RACGAP1: variants seen among roughly 807,000 people sequenced by gnomAD.
RACGAP1 encodes rac GTPase-activating protein 1.
A neutral mutation model predicts 78.1 loss-of-function variants in RACGAP1; 30 were observed. The ratio of observed to expected loss-of-function variants is 0.38; its 90% CI spans 0.29 to 0.52. RACGAP1 has a LOEUF of 0.52. RACGAP1 is among the 20% of genes least tolerant of loss of function. RACGAP1 has a pLI of 0.82. For missense variants in RACGAP1, 587 were observed against 777.1 expected (o/e 0.76, Z 2.91); for synonymous variants, 231 against 264.8 (o/e 0.87, Z 1.24).
chr12:50,006,347 C>A, intron 3 of RACGAP1, 87 bp downstream of exon 3: 1 of 1,414,998 alleles, frequency 7.1e-7, no homozygotes, highest in South Asian at 1.2e-5. Context: ...GAAGAAGAAA[C>A]TAGGTATATT....
At position 50,003,560 on chromosome 12, in the gene RACGAP1, ATTTGT is replaced by A. The variant is rs577961331; in HGVS notation, c.495+670_495+674del. ...AAAACCAGTCACCAAAAACTTCCTG[ATTTGT>A]TTTGTTTGCTAGTTTTCAGCTAGTA... On this transcript the variant is annotated intron_variant, in intron 5 of 16. Transcript: ENST00000312377. 1.2e-3 allele frequency among the ~76,000 whole-genome samples: 185 copies of A among 152,300 alleles called. 2 individuals are homozygous for A. Among genetic ancestry groups the A allele is most frequent in the Non-Finnish European group, 1.4e-3 (96 of 68,028 alleles).
chr12:49,992,780 T>C, intron 12 of RACGAP1, 125 bp from the exon 13 acceptor site: 1 of 594,178 alleles, frequency 1.7e-6, no homozygotes, highest in Non-Finnish European at 2.9e-6. Flanking sequence ...AGTTCATGAC[T>C]ACATCAGACT....
At chr12:49,991,398 C>T (rs1284778702) in intron 15 of RACGAP1, among the ~76,000 whole-genome samples, 2 of 134,384 alleles carry the variant, frequency 1.5e-5, no homozygotes, top group Admixed American at 8.1e-5. Context: ...TAAGATTATA[C>T]ATGAGAAAAA....
rs780003262 is a variant in RACGAP1, at chr12:49,994,264, T to A, written c.1206A>T (p.Arg402Ser). The stretch of plus-strand genomic sequence containing the variant: ...TGCTGAGGAGGGGTACAGTTTTCAC[T>A]CTGAGGAATTTCTCTTTCAGCTCTT... Reference protein sequence around the residue: ...TVKELKEKFLRVKTVPLLSKV... With the variant: ...TVKELKEKFLSVKTVPLLSKV... The change falls in exon 12 of 17, where the codon AGA becomes AGT. Residue 402 changes from arginine to serine, a missense_variant. Transcript: ENST00000312377. 4 of 1,614,188 alleles carry A rather than the reference T, an allele frequency of 2.5e-6. No individual in the cohort carries two copies. The highest frequency in any genetic ancestry group is 3.4e-6 in the Non-Finnish European group (4 of 1,180,030).
chr12:49,994,513 GA>G lies in RACGAP1; in HGVS notation c.1045-5del, dbSNP rs760405328. The G allele has an allele frequency of 4.2e-4, 614 of 1,477,720 alleles. No individual in the cohort carries two copies. The highest frequency in any genetic ancestry group is 2.4e-3 in the Admixed American group (121 of 49,446). The allele number at this position is 1,477,720 out of a possible 1,614,324, so 91.5% of individuals were successfully genotyped here. A position where few individuals can be genotyped will look rare whatever the true frequency, so the allele number is the denominator to read the frequency against. ...ACACAAAGTCTGCCAGCATTCCCTGGAAAAAAAAAAGAGCTTTAAATTATTA... is the reference window on the plus strand; with the variant it reads ...ACACAAAGTCTGCCAGCATTCCCTGGAAAAAAAAAGAGCTTTAAATTATTA... On this transcript the variant is annotated splice_polypyrimidine_tract_variant and splice_region_variant and intron_variant, in intron 10 of 16. Transcript: ENST00000312377.
intron 2 of RACGAP1, among the ~76,000 whole-genome samples, chr12:50,010,463 A>G (rs1298535022): frequency 6.6e-6 from 1 of 151,880 alleles, no homozygotes; most frequent in Non-Finnish European, 1.5e-5. Flanking sequence ...AACTGGGATT[A>G]CAGGTGAATG....
intron 1 of RACGAP1, among the ~76,000 whole-genome samples, chr12:50,022,760 T>C (rs1950078917): frequency 6.6e-6 from 1 of 152,232 alleles, no homozygotes; most frequent in Admixed American, 6.5e-5. Flanking sequence ...ATGTTTCCAT[T>C]AAGTTCTAAA....
At chr12:50,016,120 G>A (rs1049863305) in intron 2 of RACGAP1, among the ~76,000 whole-genome samples, 4 of 152,134 alleles carry the variant, frequency 2.6e-5, no homozygotes, top group Admixed American at 6.5e-5. Context: ...GGTGGCTCAC[G>A]CCTGTAATCC....
At chr12:50,029,538 C>T (rs1306543927), upstream of RACGAP1, among the ~76,000 whole-genome samples, 1 of 152,030 alleles carries the variant, frequency 6.6e-6, no homozygotes, top group Non-Finnish European at 1.5e-5. Context: ...TGTGCCACTG[C>T]CCTCCAGCCT....
upstream of RACGAP1, among the ~76,000 whole-genome samples, chr12:50,028,875 A>G (rs2137774538): frequency 6.6e-6 from 1 of 152,214 alleles, no homozygotes; most frequent in African/African-American, 2.4e-5. Context: ...TGAGGTCAGG[A>G]GTTCAAGACC....
At position 49,999,207 on chromosome 12, in the gene RACGAP1, C is replaced by T; in HGVS notation, c.813G>A (p.Glu271=). 1 of 1,614,150 alleles carries T rather than the reference C, an allele frequency of 6.2e-7. No individual in the cohort carries two copies. The highest frequency in any genetic ancestry group is 8.5e-7 in the Non-Finnish European group (1 of 1,180,034). The change falls in exon 9 of 17, where the codon GAG becomes GAA. Residue 271 remains glutamate, a synonymous_variant. Coordinates refer to ENST00000312377, the MANE Select transcript of RACGAP1 (RefSeq NM_001319999.2). The part of the protein sequence containing the change: ...LNSRQLEPRT[E]TDSVGTPQSN... The stretch of plus-strand genomic sequence containing the variant: ...TCTGTGGCGTGCCCACACTGTCTGT[C>T]TCAGTTCTTGGCTCCAGCTGCCTGC...
At chr12:50,001,295 T>C in intron 6 of RACGAP1, 43 bp from the exon 7 acceptor site, 1 of 1,474,134 alleles carries the variant, frequency 6.8e-7, no homozygotes, top group Non-Finnish European at 9.5e-7. Flanking sequence ...GCCAAGCAGA[T>C]CTGAAGCACA....
Position 50,008,928 on chromosome 12 carries a change from G to A in RACGAP1, c.86-2292C>T, listed in dbSNP as rs144740451. Among the ~76,000 whole-genome samples, 60 of 152,270 alleles carry A rather than the reference G, an allele frequency of 3.9e-4. No individual in the cohort carries two copies. In the East Asian group the frequency reaches 4.4e-3, roughly 11 times the overall value. On this transcript the variant is annotated intron_variant, in intron 2 of 16. Transcript: ENST00000312377. ...AATCATGGCACTGTTTTGGTCAGTT[G>A]GTGAATCACAATTCAGCTTGGTACC...
chr12:49,994,539 A>G, intron 10 of RACGAP1, 30 bp from the exon 11 acceptor site: 4 of 1,603,054 alleles, frequency 2.5e-6, no homozygotes, highest in Non-Finnish European at 3.4e-6. Flanking sequence ...TTAAATTATT[A>G]TTTACGCCAT....
intron 12 of RACGAP1, among the ~76,000 whole-genome samples, chr12:49,993,451 A>C (rs1948029000): frequency 6.6e-6 from 1 of 152,230 alleles, no homozygotes; most frequent in African/African-American, 2.4e-5. Flanking sequence ...CTACTTGAGC[A>C]CCTACTATGT....
chr12:50,005,137 C>G (rs1948895404), intron 4 of RACGAP1, 119 bp downstream of exon 4: 2 of 1,476,464 alleles, frequency 1.4e-6, no homozygotes, highest in African/African-American at 1.4e-5. Flanking sequence ...CCCACAAAAT[C>G]TTTTTCTGCT....
chr12:49,995,285 T>C (rs542408217), intron 10 of RACGAP1, among the ~76,000 whole-genome samples: 1 of 151,730 alleles, frequency 6.6e-6, no homozygotes, highest in Non-Finnish European at 1.5e-5. Context: ...GAGGTGGAGG[T>C]TGTGGTGAGT....
intron 1 of RACGAP1, chr12:50,017,143 T>C (rs1949725730): frequency 1.1e-6 from 1 of 937,596 alleles, no homozygotes; most frequent in Admixed American, 5.9e-5. Context: ...TTTAATTTCA[T>C]TTTTAGCTAA....
chr12:50,020,139 CACTAA>C (rs1337887835), intron 1 of RACGAP1, among the ~76,000 whole-genome samples: 1 of 152,134 alleles, frequency 6.6e-6, no homozygotes, highest in Admixed American at 6.6e-5. Context: ...ATGATTCGGG[CACTAA>C]ACTAGACACT....
Sources: gnomAD v4.1 joint callset for allele counts (sites outside exome capture counted in the v4.1 genomes callset) on GRCh38, gnomAD v4.1.1 for gene constraint, MANE v1.5 for transcripts, NCBI Gene and HGNC (gene_info 2026-07-23, HGNC 2026-07-21) for gene names.